The following SNX29 variants were observed in gnomAD, a reference collection of about 807,000 sequenced individuals.
SNX29 encodes the protein sorting nexin-29.
SNX29 carries 78 observed loss-of-function variants against 102.1 expected under a neutral mutation model. The ratio of observed to expected loss-of-function variants is 0.76; its 90% CI spans 0.64 to 0.92. SNX29 has a LOEUF of 0.92. Ranked by LOEUF, SNX29 falls within the 40% of genes least tolerant of loss-of-function variation. SNX29 has a pLI of 0.00. For synonymous variants in SNX29, 580 were observed against 414.5 expected, an observed-to-expected ratio of 1.40 and a Z score of -4.85; for missense variants, 1,280 against 1,061.7, an observed-to-expected ratio of 1.21 and a Z score of -2.86.
chr16:11,990,681 C>G (rs2055815333), intron 1 of SNX29, among the ~76,000 whole-genome samples: 2 of 152,100 alleles, frequency 1.3e-5, no homozygotes, highest in South Asian at 2.1e-4. Context: ...TCTGCAGTGA[C>G]AACAGGTTGA....
intron 14 of SNX29, among the ~76,000 whole-genome samples, chr16:12,264,762 T>C (rs2078877789): frequency 6.6e-6 from 1 of 151,004 alleles, no homozygotes; most frequent in Non-Finnish European, 1.5e-5. Context: ...AACGAGACTC[T>C]GTTTCAAAAA....
Position 12,115,674 on chromosome 16 carries a change from C to G in SNX29, c.1403-10959C>G, listed in dbSNP as rs765259093. Among the ~76,000 whole-genome samples the G allele has an allele frequency of 6.6e-5, 10 of 152,226 alleles. No homozygotes were observed. In the South Asian group the frequency reaches 8.3e-4, roughly 13 times the overall value. ...TGCAGTGAAGAATGGGTAGGCTCCACTATGCACGGTTTCACATTTATCTGG... is the reference window on the plus strand; with the variant it reads ...TGCAGTGAAGAATGGGTAGGCTCCAGTATGCACGGTTTCACATTTATCTGG... On this transcript the variant is annotated intron_variant, in intron 11 of 20. Coordinates refer to ENST00000566228, the MANE Select transcript of SNX29 (RefSeq NM_032167.5).
intron 16 of SNX29, among the ~76,000 whole-genome samples, chr16:12,376,755 A>AAAAAAAC: frequency 6.6e-6 from 1 of 151,192 alleles, no homozygotes; most frequent in African/African-American, 2.4e-5. Context: ...AAAAAAAAAA[A>AAAAAAAC]AAAGAACAAT....
rs2079216537 is a variant in SNX29 at position 12,572,829 on chromosome 16, G to A, written c.*4200G>A. 6 of 1,063,950 alleles carry A rather than the reference G, an allele frequency of 5.6e-6. No homozygotes were observed. The highest frequency in any genetic ancestry group is 1.6e-5 in the African/African-American group (1 of 60,990). 65.9% of individuals were successfully genotyped at this position (1,063,950 alleles called of 1,614,324 possible). On this transcript the variant is annotated 3_prime_UTR_variant, in exon 21 of 21. Coordinates refer to ENST00000566228, the MANE Select transcript of SNX29 (RefSeq NM_032167.5). ...AGACTGGTTAGGAGGCATCCCAGAA[G>A]GGGCAGCCTCATGCCCAGGTTTCAG...
intron 15 of SNX29, among the ~76,000 whole-genome samples, chr16:12,336,988 T>A (rs1307513108): frequency 6.6e-6 from 1 of 152,096 alleles, no homozygotes; most frequent in East Asian, 1.9e-4. Context: ...ACAAGAAGCC[T>A]TGGAAGGCAG....
At chr16:12,180,867 G>A (rs1365388539) in intron 13 of SNX29, among the ~76,000 whole-genome samples, 1 of 152,150 alleles carries the variant, frequency 6.6e-6, no homozygotes, top group Non-Finnish European at 1.5e-5. Context: ...CTCTCCTGTG[G>A]ATTTCGTGTG....
At chr16:12,554,059 C>T (rs532480491) in intron 20 of SNX29, among the ~76,000 whole-genome samples, 79 of 152,328 alleles carry the variant, frequency 5.2e-4, no homozygotes, top group African/African-American at 1.5e-3. Context: ...ATCCTGACCT[C>T]AAATGATCCT....
At chr16:12,223,033 G>A (rs1312984181) in intron 14 of SNX29, among the ~76,000 whole-genome samples, 1 of 152,206 alleles carries the variant, frequency 6.6e-6, no homozygotes, top group Non-Finnish European at 1.5e-5. Context: ...TTCTAAATTT[G>A]GGACTCTGGC....
intron 18 of SNX29, among the ~76,000 whole-genome samples, chr16:12,409,140 G>T (rs1369728717): frequency 1.3e-5 from 2 of 152,196 alleles, no homozygotes; most frequent in African/African-American, 2.4e-5. Context: ...CTTCTTACAC[G>T]GTAGGCTGTG....
intron 13 of SNX29, among the ~76,000 whole-genome samples, chr16:12,178,945 T>G (rs1418131235): frequency 6.6e-6 from 1 of 152,218 alleles, no homozygotes; most frequent in Admixed American, 6.5e-5. Context: ...AAGTGTATTA[T>G]CCCATGTATC....
intron 20 of SNX29, among the ~76,000 whole-genome samples, chr16:12,565,286 C>T (rs1211108184): frequency 2.6e-5 from 4 of 152,040 alleles, no homozygotes; most frequent in African/African-American, 9.7e-5. Flanking sequence ...CATACGCCAG[C>T]AGCCACCAGC....
At chr16:12,548,452 G>T (rs192090169) in intron 20 of SNX29, among the ~76,000 whole-genome samples, 39 of 151,380 alleles carry the variant, frequency 2.6e-4, no homozygotes, top group African/African-American at 9.4e-4. Flanking sequence ...CATGGCATCT[G>T]TGTCTTTTGG....
chr16:12,567,886 C>T (rs1373626101), intron 20 of SNX29, among the ~76,000 whole-genome samples: 1 of 152,202 alleles, frequency 6.6e-6, no homozygotes, highest in Non-Finnish European at 1.5e-5. Flanking sequence ...GGGCCTCCCA[C>T]ACAACCCAGA....
chr16:12,568,274 C>T (rs187858131), intron 20 of SNX29, among the ~76,000 whole-genome samples: 2 of 145,888 alleles, frequency 1.4e-5, no homozygotes, highest in Non-Finnish European at 3.0e-5. Flanking sequence ...AGACTCACAG[C>T]CAAGCTTGGT....
chr16:12,229,876 C>T (rs930701615), intron 14 of SNX29, among the ~76,000 whole-genome samples: 2 of 152,086 alleles, frequency 1.3e-5, no homozygotes, highest in Non-Finnish European at 2.9e-5. Flanking sequence ...GTTGGACTTA[C>T]GAGATAATTC....
intron 18 of SNX29, among the ~76,000 whole-genome samples, chr16:12,439,564 T>C (rs935247668): frequency 9.2e-5 from 14 of 152,084 alleles, no homozygotes; most frequent in Non-Finnish European, 1.9e-4. Flanking sequence ...GGGTTTCCCC[T>C]CATAAAAGCA....
intron 20 of SNX29, among the ~76,000 whole-genome samples, chr16:12,563,900 G>A (rs372124232): frequency 6.6e-6 from 1 of 152,202 alleles, no homozygotes; most frequent in Non-Finnish European, 1.5e-5. Context: ...TGCCGTCTCT[G>A]GAGCAGGCAG....
At chr16:12,004,339 T>G (rs1024093567) in intron 3 of SNX29, among the ~76,000 whole-genome samples, 9 of 144,114 alleles carry the variant, frequency 6.2e-5, no homozygotes, top group African/African-American at 2.4e-4. Context: ...AGATTCCATC[T>G]CAAAAAAAAA....
At chr16:12,058,028 A>C (rs2050591191) in intron 8 of SNX29, among the ~76,000 whole-genome samples, 1 of 152,026 alleles carries the variant, frequency 6.6e-6, no homozygotes. Flanking sequence ...CATGTTGGCC[A>C]GGCTGGTCTC....
Sources: allele counts gnomAD v4.1 joint callset (sites outside exome capture counted in the v4.1 genomes callset), GRCh38; gene constraint gnomAD v4.1.1; transcripts MANE v1.5; gene names NCBI Gene and HGNC (gene_info 2026-07-23, HGNC 2026-07-21).